The following CSMD1 variants were observed in gnomAD, a reference collection of about 807,000 sequenced individuals.
CSMD1 encodes the protein CUB and Sushi multiple domains 1.
A neutral mutation model predicts 417.5 loss-of-function variants in CSMD1; 213 were observed. That is an observed-to-expected ratio of 0.51 (90% CI 0.46 to 0.57). The LOEUF is 0.57. CSMD1 is among the 20% of genes least tolerant of loss of function. The probability of loss-of-function intolerance (pLI) is 0.00; values close to 1 mark genes in which losing one functional copy is unlikely to be tolerated. For synonymous variants in CSMD1, 2,862 were observed against 1,736.8 expected (o/e 1.65, Z -16.11); for missense variants, 6,923 against 4,529.7 (o/e 1.53, Z -15.17).
intron 26 of CSMD1, among the ~76,000 whole-genome samples, chr8:3,257,364 G>C (rs913500744): frequency 2.6e-5 from 4 of 152,224 alleles, no homozygotes; most frequent in Non-Finnish European, 5.9e-5. Flanking sequence ...CTGCATGTCA[G>C]TTCTACTCAC....
At chr8:4,280,532 G>C (rs934807488) in intron 3 of CSMD1, among the ~76,000 whole-genome samples, 2 of 152,168 alleles carry the variant, frequency 1.3e-5, no homozygotes, top group Non-Finnish European at 2.9e-5. Context: ...TGTTTACAGT[G>C]CCCACATTTG....
At chr8:3,977,468 A>C (rs1228754116) in intron 5 of CSMD1, among the ~76,000 whole-genome samples, 4 of 152,098 alleles carry the variant, frequency 2.6e-5, no homozygotes, top group Non-Finnish European at 5.9e-5. Flanking sequence ...CATTGGTGCG[A>C]CTTAAAGAAA....
chr8:4,634,338 G>C (rs957048624), intron 2 of CSMD1, among the ~76,000 whole-genome samples: 1 of 152,094 alleles, frequency 6.6e-6, no homozygotes, highest in Non-Finnish European at 1.5e-5. Flanking sequence ...TATATATTCT[G>C]TTTTGTCAGC....
chr8:4,395,234 C>A (rs929622369), intron 3 of CSMD1, among the ~76,000 whole-genome samples: 2 of 152,194 alleles, frequency 1.3e-5, no homozygotes, highest in East Asian at 1.9e-4. Flanking sequence ...CTCCTCCCAA[C>A]TGTTTATCTT....
intron 5 of CSMD1, among the ~76,000 whole-genome samples, chr8:3,906,061 G>C (rs1375684120): frequency 1.3e-5 from 2 of 152,102 alleles, no homozygotes; most frequent in South Asian, 2.1e-4. Context: ...GAGGTGAAGA[G>C]ACTCACAGAC....
At chr8:4,070,547 CG>C (rs1256144137) in intron 3 of CSMD1, among the ~76,000 whole-genome samples, 1 of 151,990 alleles carries the variant, frequency 6.6e-6, no homozygotes, top group Non-Finnish European at 1.5e-5. Context: ...TTAGTAGAGA[CG>C]GGGTTTCACC....
chr8:3,010,934 G>C (rs1438137275), intron 52 of CSMD1, among the ~76,000 whole-genome samples: 1 of 151,788 alleles, frequency 6.6e-6, no homozygotes, highest in East Asian at 1.9e-4. Context: ...CACTATGTTG[G>C]CCAGGCTGGT....
At chr8:4,444,101 G>A (rs975854669) in intron 2 of CSMD1, among the ~76,000 whole-genome samples, 1 of 151,992 alleles carries the variant, frequency 6.6e-6, no homozygotes, top group Admixed American at 6.6e-5. Context: ...CAGCACTTTG[G>A]GAGGTCGAGG....
At chr8:3,926,352 A>T (rs1809727562) in intron 5 of CSMD1, among the ~76,000 whole-genome samples, 1 of 151,828 alleles carries the variant, frequency 6.6e-6, no homozygotes, top group East Asian at 1.9e-4. Flanking sequence ...ATCTTATCTT[A>T]TTTTATGTTT....
chr8:3,175,934 T>C (rs17079549), intron 37 of CSMD1, among the ~76,000 whole-genome samples: 1 of 152,160 alleles, frequency 6.6e-6, no homozygotes, highest in Non-Finnish European at 1.5e-5. Context: ...TTTGACTCAG[T>C]GGCATACATT....
intron 1 of CSMD1, chr8:4,788,464 A>G (rs539836395): frequency 1.5e-6 from 2 of 1,337,858 alleles, no homozygotes; most frequent in South Asian, 1.2e-5. Flanking sequence ...GATCAGCTCA[A>G]TTTACTGCTC....
At chr8:2,996,863 T>C (rs544766396) in intron 54 of CSMD1, among the ~76,000 whole-genome samples, 1 of 152,240 alleles carries the variant, frequency 6.6e-6, no homozygotes, top group Non-Finnish European at 1.5e-5. Flanking sequence ...AAAGTTGTAG[T>C]TCAGGTGAAA....
At chr8:2,951,003 G>T in intron 66 of CSMD1, 111 bp downstream of exon 66, 1 of 1,103,586 alleles carries the variant, frequency 9.1e-7, no homozygotes, top group Non-Finnish European at 1.3e-6. Flanking sequence ...TATATACAAA[G>T]CCAACAGAAC....
chr8:4,446,772 T>C (rs1209862366), intron 2 of CSMD1, among the ~76,000 whole-genome samples: 3 of 148,118 alleles, frequency 2.0e-5, no homozygotes. Flanking sequence ...TGTGTGTGTG[T>C]GTGTGTGTGT....
intron 11 of CSMD1, among the ~76,000 whole-genome samples, chr8:3,493,075 C>A (rs1202215615): frequency 6.6e-6 from 1 of 152,006 alleles, no homozygotes; most frequent in Non-Finnish European, 1.5e-5. Context: ...GGGCAAATCA[C>A]CAGAGGTCAG....
At chr8:4,787,796 T>A (rs758428979) in intron 1 of CSMD1, 17 of 1,574,496 alleles carry the variant, frequency 1.1e-5, no homozygotes, top group Non-Finnish European at 1.3e-5. Flanking sequence ...CAGACTGAAT[T>A]GGATATCATG....
chr8:4,367,405 T>G (rs1478042579), intron 3 of CSMD1, among the ~76,000 whole-genome samples: 1 of 152,188 alleles, frequency 6.6e-6, no homozygotes, highest in Admixed American at 6.5e-5. Context: ...TCTCTCATTT[T>G]TCATTGGTCT....
At chr8:4,971,666 A>G (rs753704480) in intron 1 of CSMD1, among the ~76,000 whole-genome samples, 160 of 145,518 alleles carry the variant, frequency 1.1e-3, no homozygotes, top group African/African-American at 3.9e-3. Context: ...CCTTGCACAC[A>G]TATGACTGAG....
intron 5 of CSMD1, among the ~76,000 whole-genome samples, chr8:3,910,171 C>T (rs183609773): frequency 1.1e-3 from 160 of 152,168 alleles, no homozygotes; most frequent in Admixed American, 8.6e-3. Context: ...CATGTTACAT[C>T]GGGGGACAAG....
Sources: allele counts gnomAD v4.1 joint callset (sites outside exome capture counted in the v4.1 genomes callset), GRCh38; gene constraint gnomAD v4.1.1; transcripts MANE v1.5; gene names NCBI Gene and HGNC (gene_info 2026-07-23, HGNC 2026-07-21).